CLUAP1: variants seen among roughly 807,000 people sequenced by gnomAD.
CLUAP1 encodes the protein intraflagellar transport 38.
Under a neutral mutation model 55.0 loss-of-function variants are expected in CLUAP1, and 50 were observed. The ratio of observed to expected loss-of-function variants is 0.91; its 90% confidence interval spans 0.72 to 1.15. CLUAP1 has a LOEUF of 1.15. CLUAP1 is among the 50% of genes most tolerant of loss of function. The pLI, the probability that CLUAP1 is intolerant of heterozygous loss-of-function variation, is 0.00. For synonymous variants in CLUAP1, 195 were observed against 175.4 expected (o/e 1.11, Z -0.88); for missense variants, 530 against 507.6 (o/e 1.04, Z -0.42).
At position 3,508,341 on chromosome 16, in the gene CLUAP1, G is replaced by T. The variant is rs1366147319; in HGVS notation, c.272G>T (p.Gly91Val). ...ACTAAGAAGCTTTATCAAGCAGATG[G>T]GTATGCGGTAAAAGAGCTGCTGAAG... ...LNTKKLYQAD[G>V]YAVKELLKIT... The change falls in exon 4 of 12, where the codon GGG becomes GTG. Residue 91 changes from glycine (G) to valine (V), a missense_variant. Gly to Val is a moderately radical substitution (Grantham distance 109). Coordinates refer to ENST00000576634, the MANE Select transcript of CLUAP1 (RefSeq NM_015041.3). The T allele has an allele frequency of 1.2e-6, 2 of 1,609,018 alleles. No homozygotes were observed. The highest frequency in any genetic ancestry group is 1.7e-6 in the Non-Finnish European group (2 of 1,178,636).
the CLUAP1 span, chr16:3,495,612 G>A: frequency 2.4e-6 from 3 of 1,260,274 alleles, no homozygotes; most frequent in African/African-American, 4.5e-5. Flanking sequence ...CAGGGTGAAA[G>A]AAAGGCATGG....
At chr16:3,529,943 A>G (rs1400971297) in intron 9 of CLUAP1, among the ~76,000 whole-genome samples, 1 of 126,414 alleles carries the variant, frequency 7.9e-6, no homozygotes, top group Non-Finnish European at 1.6e-5. Context: ...AATATATGAC[A>G]ATTATATAAC....
At chr16:3,513,327 G>A (rs984409975) in intron 5 of CLUAP1, among the ~76,000 whole-genome samples, 5 of 152,250 alleles carry the variant, frequency 3.3e-5, no homozygotes, top group African/African-American at 1.2e-4. Context: ...TGAAGTTGAT[G>A]TTGCAGTGGA....
chr16:3,526,423 C>G lies in CLUAP1; in HGVS notation c.867C>G (p.Asn289Lys). The change falls in exon 9 of 12, where the codon AAC becomes AAG. Residue 289 changes from asparagine to lysine, a missense_variant. Transcript: ENST00000576634. Reference protein sequence around the residue: ...MEQERFEEAKNTLCLIQNKLK... With the variant: ...MEQERFEEAKKTLCLIQNKLK... ...TTCCTCTTCCACAGGAAGCTAAAAA[C>G]ACTCTCTGCCTGATACAGAACAAGC... is the stretch of plus-strand genomic sequence containing the variant. 1 of 1,605,238 alleles carries G rather than the reference C, an allele frequency of 6.2e-7. No homozygotes were observed. Among genetic ancestry groups the G allele is most frequent in the African/African-American group, 1.3e-5 (1 of 74,434 alleles).
chr16:3,532,340 C>T (rs947351470), intron 10 of CLUAP1, among the ~76,000 whole-genome samples: 1 of 146,104 alleles, frequency 6.8e-6, no homozygotes, highest in Admixed American at 6.8e-5. Context: ...CTATAAAATT[C>T]TCCTATATTT....
rs564029881 is a variant in CLUAP1 at position 3,528,574 on chromosome 16, G to A, written c.929-1994G>A. ...AGCCTGCATGGGGTTTGTCCCTTGCGAGAGGCCCAGCTCAGCTAGGAGCCC... is the reference window on the plus strand; with the variant it reads ...AGCCTGCATGGGGTTTGTCCCTTGCAAGAGGCCCAGCTCAGCTAGGAGCCC... On this transcript the variant is annotated intron_variant, in intron 9 of 11. Transcript: ENST00000576634. 7.2e-5 allele frequency among the ~76,000 whole-genome samples: 11 copies of A among 152,284 alleles called. 1 individual carries two copies. The South Asian group carries it at 1.2e-3, about 17-fold the overall frequency.
In CLUAP1 at chr16:3,512,458, G is replaced by GAGAA; in HGVS notation, c.475_476insAGAA (p.Gly159GlufsTer25). ...AGGAGCATCTCTGTATGACTTGCTCGGCATGGAAGTAGAGTTGAGGGTAAG... is the reference window on the plus strand; with the variant it reads ...AGGAGCATCTCTGTATGACTTGCTCGAGAAGCATGGAAGTAGAGTTGAGGGTAAG... On this transcript the variant is annotated frameshift_variant, in exon 5 of 12. Coordinates refer to ENST00000576634, the MANE Select transcript of CLUAP1 (RefSeq NM_015041.3). LOFTEE classifies it high-confidence loss of function. The GAGAA allele has an allele frequency of 6.2e-7, 1 of 1,613,654 alleles. No individual in the cohort carries two copies. Among genetic ancestry groups the GAGAA allele is most frequent in the Non-Finnish European group, 8.5e-7 (1 of 1,179,640 alleles).
chr16:3,500,878 A>G, upstream of CLUAP1: 4 of 618,550 alleles, frequency 6.5e-6, no homozygotes, highest in South Asian at 2.0e-5. Context: ...GCGTCTCAGG[A>G]GCGCTCTCTG....
Position 3,523,137 on chromosome 16 carries a change from TA to T in CLUAP1, c.714-20del, listed in dbSNP as rs369835326. 23 of 1,596,194 alleles carry T rather than the reference TA, an allele frequency of 1.4e-5. No individual in the cohort carries two copies. In the African/African-American group the frequency reaches 2.3e-4, roughly 16 times the overall value. The stretch of plus-strand genomic sequence containing the variant: ...CTGCATATAATTCACCTTTCCTTTT[TA>T]TTTCATTTGCTTCTTTTAGGCCATG... On this transcript the variant is annotated intron_variant, in intron 7 of 11. Coordinates refer to ENST00000576634, the MANE Select transcript of CLUAP1 (RefSeq NM_015041.3).
At position 3,519,342 on chromosome 16, in the gene CLUAP1, G is replaced by C. The variant is rs147838192; in HGVS notation, c.580-561G>C. Among the ~76,000 whole-genome samples the C allele has an allele frequency of 6.6e-5, 10 of 152,314 alleles. No homozygotes were observed. In the East Asian group the frequency reaches 1.9e-3, roughly 29 times the overall value. Reference sequence around the variant, plus strand: ...CTGCTTTCGTACTGTCTTCAGAGTGGTTTCTCCTCGTTTTTAGTCTGTAGT... The same window carrying C: ...CTGCTTTCGTACTGTCTTCAGAGTGCTTTCTCCTCGTTTTTAGTCTGTAGT... On this transcript the variant is annotated intron_variant, in intron 6 of 11. Transcript: ENST00000576634.
chr16:3,518,477 A>C (rs1367972827), intron 6 of CLUAP1, among the ~76,000 whole-genome samples: 1 of 152,240 alleles, frequency 6.6e-6, no homozygotes, highest in East Asian at 1.9e-4. Flanking sequence ...TTCAGAAACC[A>C]GGGAAAATTG....
At chr16:3,527,480 C>G (rs1404811157) in intron 9 of CLUAP1, among the ~76,000 whole-genome samples, 1 of 152,054 alleles carries the variant, frequency 6.6e-6, no homozygotes, top group Non-Finnish European at 1.5e-5. Flanking sequence ...GGACCGTGGT[C>G]TAGTGGTAGC....
Position 3,530,587 on chromosome 16 carries a change from A to G in CLUAP1, c.948A>G (p.Ile316Met), listed in dbSNP as rs982032527. ...LKSGSNDDSD[I>M]DIQEDDESDS... ...TGCTAGGTAACGATGACTCGGACAT[A>G]GACATCCAGGAGGACGATGAATCCG... is the stretch of plus-strand genomic sequence containing the variant. The change falls in exon 10 of 12, where the codon ATA becomes ATG. Residue 316 changes from isoleucine (I) to methionine (M), a missense_variant. Coordinates refer to ENST00000576634, the MANE Select transcript of CLUAP1 (RefSeq NM_015041.3). The G allele has an allele frequency of 2.5e-6, 4 of 1,613,938 alleles. No homozygotes were observed. The Admixed American group carries it at 5.0e-5, about 20-fold the overall frequency.
At chr16:3,503,881 A>G (rs567608544) in intron 1 of CLUAP1, among the ~76,000 whole-genome samples, 59 of 152,328 alleles carry the variant, frequency 3.9e-4, no homozygotes, top group Non-Finnish European at 7.5e-4. Flanking sequence ...CCTGACTTGC[A>G]GTACCTAGGT....
At chr16:3,531,033 C>A (rs1035042099) in intron 10 of CLUAP1, among the ~76,000 whole-genome samples, 1 of 152,180 alleles carries the variant, frequency 6.6e-6, no homozygotes, top group African/African-American at 2.4e-5. Flanking sequence ...AAAAAAAGTT[C>A]TTCTAATTCC....
intron 10 of CLUAP1, 25 bp downstream of exon 10, chr16:3,530,700 T>C (rs1459691651): frequency 5.7e-6 from 9 of 1,575,354 alleles, no homozygotes; most frequent in Non-Finnish European, 7.9e-6. Flanking sequence ...TTCGCTGGAC[T>C]TCCTCCCTGC....
chr16:3,529,450 AT>A lies in CLUAP1; in HGVS notation c.929-1116del, dbSNP rs1323335053. Among the ~76,000 whole-genome samples, 100 of 50,090 alleles carry A rather than the reference AT, an allele frequency of 2.0e-3. 1 individual carries two copies. In the East Asian group the frequency reaches 0.045, roughly 23 times the overall value. 32.9% of individuals were successfully genotyped at this position (50,090 alleles called of 152,430 possible). ...ATATATAATATATATTATATTATAT[AT>A]TATTATATATAATATATATTATATT... On this transcript the variant is annotated intron_variant, in intron 9 of 11. Transcript: ENST00000576634.
intron 11 of CLUAP1, 125 bp downstream of exon 11, chr16:3,532,966 T>C: frequency 2.2e-6 from 3 of 1,349,414 alleles, no homozygotes; most frequent in African/African-American, 1.4e-5. Flanking sequence ...CGTGCCTCGA[T>C]GCGTGGCAGG....
chr16:3,496,281 G>C (rs2037308473), upstream of CLUAP1: 3 of 808,666 alleles, frequency 3.7e-6, no homozygotes, highest in South Asian at 1.3e-5. Context: ...AACTGAGGCT[G>C]TTTGTTGGTC....
Sources: allele counts gnomAD v4.1 joint callset (sites outside exome capture counted in the v4.1 genomes callset), GRCh38; gene constraint gnomAD v4.1.1; transcripts MANE v1.5; gene names NCBI Gene and HGNC (gene_info 2026-07-23, HGNC 2026-07-21).